The following GMDS variants were observed in gnomAD, a reference collection of about 807,000 sequenced individuals.
The protein encoded by GMDS is GDP-mannose 4,6 dehydratase.
Under a neutral mutation model 49.9 loss-of-function variants are expected in GMDS, and 20 were observed. The observed-to-expected ratio is 0.40, with a 90% CI of 0.28 to 0.58. The LOEUF is 0.58. Ranked by LOEUF, GMDS falls within the 20% of genes least tolerant of loss-of-function variation. The pLI is 0.42. For synonymous variants in GMDS, 177 were observed against 178.6 expected (o/e 0.99, Z 0.07); for missense variants, 362 against 481.4 (o/e 0.75, Z 2.32).
intron 7 of GMDS, among the ~76,000 whole-genome samples, chr6:1,813,793 G>A (rs1478537856): frequency 1.3e-5 from 2 of 152,064 alleles, no homozygotes; most frequent in African/African-American, 4.8e-5. Flanking sequence ...TTATTAGTAT[G>A]AGTCAACTAA....
intron 4 of GMDS, among the ~76,000 whole-genome samples, chr6:2,100,966 A>C (rs1367260338): frequency 1.3e-5 from 2 of 151,890 alleles, no homozygotes; most frequent in African/African-American, 4.8e-5. Flanking sequence ...ATTAGTCAAA[A>C]CTCTGTTAAC....
intron 7 of GMDS, among the ~76,000 whole-genome samples, chr6:1,773,479 C>T (rs764667716): frequency 1.3e-4 from 20 of 152,230 alleles, no homozygotes; most frequent in Non-Finnish European, 2.8e-4. Flanking sequence ...CTGGGGACTA[C>T]AACCTGCAGA....
At chr6:2,158,374 C>A (rs1777214650) in intron 1 of GMDS, among the ~76,000 whole-genome samples, 1 of 152,132 alleles carries the variant, frequency 6.6e-6, no homozygotes, top group African/African-American at 2.4e-5. Context: ...AAAAGTACTT[C>A]CTACAGTTTG....
chr6:1,714,182 T>A (rs1766086735), intron 9 of GMDS, among the ~76,000 whole-genome samples: 1 of 152,170 alleles, frequency 6.6e-6, no homozygotes, highest in Non-Finnish European at 1.5e-5. Flanking sequence ...CACGCCCAGC[T>A]AATTTTTTTG....
chr6:1,893,296 C>A (rs1395154564), intron 7 of GMDS, among the ~76,000 whole-genome samples: 1 of 150,738 alleles, frequency 6.6e-6, no homozygotes, highest in Non-Finnish European at 1.5e-5. Context: ...CGGGTTCAAG[C>A]CATTCTCCTG....
intron 1 of GMDS, among the ~76,000 whole-genome samples, chr6:2,240,601 CAAAAAA>C (rs57052982): frequency 1.2e-5 from 1 of 84,070 alleles, no homozygotes; most frequent in East Asian, 4.5e-4. Flanking sequence ...AAGACTGTCT[CAAAAAA>C]AAAAAAAAAA....
chr6:1,999,183 G>A (rs1158472812), intron 4 of GMDS, among the ~76,000 whole-genome samples: 7 of 151,866 alleles, frequency 4.6e-5, no homozygotes, highest in South Asian at 2.1e-4. Context: ...TTAGCAGGGC[G>A]TGGTGGTGCA....
At chr6:2,112,848 C>T (rs1395042381) in intron 4 of GMDS, among the ~76,000 whole-genome samples, 1 of 152,030 alleles carries the variant, frequency 6.6e-6, no homozygotes, top group Non-Finnish European at 1.5e-5. Context: ...TGGCACAATC[C>T]CACCCTCTGC....
intron 7 of GMDS, among the ~76,000 whole-genome samples, chr6:1,905,777 G>A (rs1354514070): frequency 1.4e-5 from 2 of 141,852 alleles, no homozygotes; most frequent in South Asian, 2.3e-4. Context: ...ATCTGCATGT[G>A]GGGCCAGCAC....
intron 9 of GMDS, among the ~76,000 whole-genome samples, chr6:1,670,708 A>G (rs146199657): frequency 1.1e-3 from 170 of 152,344 alleles, no homozygotes; most frequent in African/African-American, 3.8e-3. Context: ...GTAGTGCTAG[A>G]GAGAAAGATA....
chr6:1,922,145 C>G (rs148506964), intron 7 of GMDS, among the ~76,000 whole-genome samples: 92 of 152,274 alleles, frequency 6.0e-4, no homozygotes, highest in African/African-American at 2.1e-3. Context: ...AGGAAACTCC[C>G]CAGGTAAATA....
intron 1 of GMDS, among the ~76,000 whole-genome samples, chr6:2,243,101 A>G (rs1561685656): frequency 6.6e-6 from 1 of 152,246 alleles, no homozygotes; most frequent in East Asian, 1.9e-4. Flanking sequence ...CAGAGGGCAG[A>G]TGCCGGAGGG....
chr6:1,629,676 C>T (rs886295158), intron 9 of GMDS, among the ~76,000 whole-genome samples: 10 of 152,226 alleles, frequency 6.6e-5, no homozygotes, highest in African/African-American at 2.4e-4. Flanking sequence ...ACTGTCACCT[C>T]TGCTGGGAGC....
intron 7 of GMDS, among the ~76,000 whole-genome samples, chr6:1,751,502 T>C (rs1308828109): frequency 6.6e-6 from 1 of 152,200 alleles, no homozygotes; most frequent in African/African-American, 2.4e-5. Context: ...CATTTGTTTG[T>C]TTGTTTGTTT....
At chr6:1,812,574 C>T (rs900028321) in intron 7 of GMDS, among the ~76,000 whole-genome samples, 3 of 151,884 alleles carry the variant, frequency 2.0e-5, no homozygotes, top group African/African-American at 4.8e-5. Flanking sequence ...AAAGGGGACA[C>T]AGAGGAGAAG....
intron 1 of GMDS, among the ~76,000 whole-genome samples, chr6:2,212,491 C>A (rs1213313047): frequency 6.6e-6 from 1 of 152,092 alleles, no homozygotes; most frequent in African/African-American, 2.4e-5. Context: ...GATAATAATA[C>A]AAGTTATAGG....
Position 1,843,667 on chromosome 6 carries a change from C to T in GMDS, c.771+86436G>A, listed in dbSNP as rs543290185. On this transcript the variant is annotated intron_variant, in intron 7 of 10. Coordinates refer to ENST00000380815, the MANE Select transcript of GMDS (RefSeq NM_001500.4). ...CCTGTAGTCCCAGTTACCCAGGAGG[C>T]TGAGGCACGAGAATCACTTGAACCC... Among the ~76,000 whole-genome samples the T allele has an allele frequency of 4.6e-5, 7 of 152,266 alleles. No homozygotes were observed. In the South Asian group the frequency reaches 1.5e-3, roughly 32 times the overall value.
intron 4 of GMDS, among the ~76,000 whole-genome samples, chr6:2,082,341 C>T (rs749971151): frequency 9.2e-5 from 14 of 152,096 alleles, no homozygotes; most frequent in South Asian, 2.1e-4. Context: ...TGAGGTACTG[C>T]GACAGGGAGA....
chr6:2,059,707 C>CAAAAAAAAAAAAAAAAAAAAAAAAAAA (rs35230658), intron 4 of GMDS, among the ~76,000 whole-genome samples: 2 of 17,774 alleles, frequency 1.1e-4, no homozygotes, highest in South Asian at 6.8e-3. Flanking sequence ...GACTCCGTCT[C>CAAAAAAAAAAAAAAAAAAAAAAAAAAA]AAAAAAAAAA....
Sources: gnomAD v4.1 joint callset for allele counts (sites outside exome capture counted in the v4.1 genomes callset) on GRCh38, gnomAD v4.1.1 for gene constraint, MANE v1.5 for transcripts, NCBI Gene and HGNC (gene_info 2026-07-23, HGNC 2026-07-21) for gene names.